Variants in NRXN3 observed in about 807,000 individuals in gnomAD.
NRXN3 encodes neurexin 3, also known as neurexin III.
Under a neutral mutation model 137.6 loss-of-function variants are expected in NRXN3, and 32 were observed. That is an observed-to-expected ratio of 0.23 (90% CI 0.18 to 0.31). The LOEUF (loss-of-function observed/expected upper bound fraction) is 0.31, where lower values mean the gene tolerates loss of function less well. Among genes scored for constraint, NRXN3 ranks in the 10% least tolerant of loss-of-function variants. The pLI is 1.00. For missense variants in NRXN3, 1,574 were observed against 2,062.5 expected (o/e 0.76, Z 4.59); for synonymous variants, 798 against 784.5 (o/e 1.02, Z -0.29).
chr14:79,600,405 C>T (rs905157466), intron 16 of NRXN3, among the ~76,000 whole-genome samples: 1 of 152,148 alleles, frequency 6.6e-6, no homozygotes, highest in Non-Finnish European at 1.5e-5. Flanking sequence ...ACTTCAGATG[C>T]ACAAGGTTCA....
intron 8 of NRXN3, among the ~76,000 whole-genome samples, chr14:78,716,004 C>G (rs575270125): frequency 6.6e-6 from 1 of 152,102 alleles, no homozygotes; most frequent in Admixed American, 6.5e-5. Context: ...GGACTGGATG[C>G]TTTGTTCCCT....
chr14:79,488,721 A>ATTCATATC (rs1465348325), intron 16 of NRXN3, among the ~76,000 whole-genome samples: 1 of 152,132 alleles, frequency 6.6e-6, no homozygotes, highest in Non-Finnish European at 1.5e-5. Flanking sequence ...ATTAAAGAAA[A>ATTCATATC]TTCATATCTA....
At chr14:78,684,274 T>C (rs978231723) in intron 6 of NRXN3, among the ~76,000 whole-genome samples, 2 of 152,056 alleles carry the variant, frequency 1.3e-5, no homozygotes, top group African/African-American at 4.8e-5. Flanking sequence ...GGGGGCACAA[T>C]AGGGTTGGCT....
intron 15 of NRXN3, among the ~76,000 whole-genome samples, chr14:79,257,227 C>T (rs1459366479): frequency 6.6e-6 from 1 of 151,920 alleles, no homozygotes; most frequent in African/African-American, 2.4e-5. Context: ...AATTCTCTGC[C>T]AACCTCCGTT....
intron 10 of NRXN3, among the ~76,000 whole-genome samples, chr14:78,930,262 G>A (rs576243652): frequency 3.9e-5 from 6 of 152,276 alleles, no homozygotes; most frequent in Non-Finnish European, 8.8e-5. Context: ...GGTCTGATAA[G>A]GACGCTGAGA....
At chr14:78,412,501 G>A (rs1470965700) in intron 4 of NRXN3, among the ~76,000 whole-genome samples, 1 of 152,124 alleles carries the variant, frequency 6.6e-6, no homozygotes, top group Non-Finnish European at 1.5e-5. Context: ...TAGTACTTGG[G>A]CATTTGCTAT....
intron 19 of NRXN3, among the ~76,000 whole-genome samples, chr14:79,804,772 C>T (rs1039645135): frequency 6.6e-6 from 1 of 152,136 alleles, no homozygotes; most frequent in Non-Finnish European, 1.5e-5. Flanking sequence ...TACAACAGCC[C>T]TTCTCCTGTC....
chr14:78,643,009 T>G (rs1186401220), intron 4 of NRXN3, among the ~76,000 whole-genome samples: 2 of 152,196 alleles, frequency 1.3e-5, no homozygotes, highest in Non-Finnish European at 2.9e-5. Context: ...TACATATGAC[T>G]GGGCTGCTCT....
intron 16 of NRXN3, among the ~76,000 whole-genome samples, chr14:79,597,696 C>A (rs2097873655): frequency 6.6e-6 from 1 of 152,088 alleles, no homozygotes; most frequent in African/African-American, 2.4e-5. Flanking sequence ...TGCTTAGAGG[C>A]AACTTGTTGA....
chr14:78,826,313 C>T (rs903968491), intron 10 of NRXN3, among the ~76,000 whole-genome samples: 2 of 152,136 alleles, frequency 1.3e-5, no homozygotes, highest in African/African-American at 2.4e-5. Flanking sequence ...CCCCACCCCA[C>T]GATTCTTTGT....
chr14:78,501,867 A>G (rs1244357181), intron 4 of NRXN3, among the ~76,000 whole-genome samples: 2 of 152,190 alleles, frequency 1.3e-5, no homozygotes, highest in African/African-American at 2.4e-5. Flanking sequence ...AAGCGTTATC[A>G]CATATTAAAT....
intron 16 of NRXN3, among the ~76,000 whole-genome samples, chr14:79,635,160 G>T (rs897389146): frequency 2.3e-4 from 35 of 152,100 alleles, no homozygotes; most frequent in African/African-American, 8.5e-4. Context: ...AATATACACA[G>T]GTATGGAAAC....
chr14:78,945,934 T>C (rs1394654652), intron 10 of NRXN3, among the ~76,000 whole-genome samples: 2 of 152,342 alleles, frequency 1.3e-5, no homozygotes, highest in East Asian at 3.9e-4. Flanking sequence ...TGGTTCACAC[T>C]ATTTCTGCTC....
chr14:78,416,091 A>G (rs2093121776), intron 4 of NRXN3, among the ~76,000 whole-genome samples: 1 of 152,214 alleles, frequency 6.6e-6, no homozygotes, highest in Non-Finnish European at 1.5e-5. Flanking sequence ...GAGGGAAATT[A>G]AACTCAGAGT....
At chr14:78,515,692 C>G (rs1012575767) in intron 4 of NRXN3, among the ~76,000 whole-genome samples, 4 of 151,922 alleles carry the variant, frequency 2.6e-5, no homozygotes, top group African/African-American at 9.7e-5. Context: ...AGGGGATGTG[C>G]CACTGGGGCC....
chr14:79,223,486 T>A (rs1382906419), intron 15 of NRXN3, among the ~76,000 whole-genome samples: 1 of 152,204 alleles, frequency 6.6e-6, no homozygotes, highest in Admixed American at 6.5e-5. Flanking sequence ...TTTTAGAAAT[T>A]CTTTTGACAA....
intron 15 of NRXN3, among the ~76,000 whole-genome samples, chr14:79,201,959 A>G (rs533588461): frequency 6.6e-6 from 1 of 152,342 alleles, no homozygotes; most frequent in African/African-American, 2.4e-5. Context: ...ATAGTTAGTA[A>G]GCCATAGAGT....
chr14:79,652,710 C>A (rs769662957), intron 16 of NRXN3, among the ~76,000 whole-genome samples: 1 of 151,942 alleles, frequency 6.6e-6, no homozygotes, highest in Non-Finnish European at 1.5e-5. Flanking sequence ...CTTGGGGTCA[C>A]CTTTACTAAT....
chr14:79,413,099 G>T (rs898246411), intron 15 of NRXN3, among the ~76,000 whole-genome samples: 2 of 152,062 alleles, frequency 1.3e-5, no homozygotes, highest in Non-Finnish European at 2.9e-5. Flanking sequence ...AAGTAAGCAC[G>T]ATCATTGGAG....
Sources: gnomAD v4.1 joint callset for allele counts (sites outside exome capture counted in the v4.1 genomes callset) on GRCh38, gnomAD v4.1.1 for gene constraint, MANE v1.5 for transcripts, NCBI Gene and HGNC (gene_info 2026-07-23, HGNC 2026-07-21) for gene names.